PAM: variants seen among roughly 807,000 people sequenced by gnomAD.
The protein encoded by PAM is peptidylglycine alpha-amidating monooxygenase.
In PAM, 72 loss-of-function variants were observed where a neutral mutation model predicts 122.1. The ratio of observed to expected loss-of-function variants is 0.59; its 90% CI spans 0.49 to 0.72. PAM has a LOEUF of 0.72. Ranked by LOEUF, PAM falls within the 30% of genes least tolerant of loss-of-function variation. The pLI, the probability that PAM is intolerant of heterozygous loss-of-function variation, is 0.00. For synonymous variants in PAM, 389 were observed against 404.4 expected (o/e 0.96, Z 0.46); for missense variants, 1,106 against 1,183.7 (o/e 0.93, Z 0.96).
intron 4 of PAM, among the ~76,000 whole-genome samples, chr5:102,907,616 C>T (rs1799972744): frequency 6.6e-6 from 1 of 150,498 alleles, no homozygotes; most frequent in Non-Finnish European, 1.5e-5. Context: ...TATTTCTCCA[C>T]ATCCTCTCCA....
chr5:102,783,002 A>G (rs891172156), intron 1 of PAM, among the ~76,000 whole-genome samples: 1 of 151,926 alleles, frequency 6.6e-6, no homozygotes, highest in African/African-American at 2.4e-5. Flanking sequence ...TTGGCAGGAA[A>G]ATTGTATGTC....
chr5:103,011,572 A>G (rs1438307679), intron 21 of PAM, among the ~76,000 whole-genome samples: 2 of 152,152 alleles, frequency 1.3e-5, no homozygotes, highest in Admixed American at 6.5e-5. Flanking sequence ...AGTTCCATCC[A>G]TGTTATTGCA....
At chr5:102,796,239 T>C (rs174016) in intron 1 of PAM, among the ~76,000 whole-genome samples, 46,186 of 152,054 alleles carry the variant, frequency 0.3, 7,461 homozygotes, top group Non-Finnish European at 0.37. Flanking sequence ...GGGCCCTTCA[T>C]GAAGTCAGTC....
At chr5:102,920,456 CTGA>C (rs550148663) in intron 5 of PAM, among the ~76,000 whole-genome samples, 1 of 152,020 alleles carries the variant, frequency 6.6e-6, no homozygotes, top group Non-Finnish European at 1.5e-5. Flanking sequence ...ATTTATCAGG[CTGA>C]TATTTCTTAA....
chr5:102,923,707 C>T (rs548200357), intron 5 of PAM, among the ~76,000 whole-genome samples: 2 of 152,302 alleles, frequency 1.3e-5, no homozygotes, highest in East Asian at 1.9e-4. Context: ...GCCTTATGCA[C>T]ATCACCACAA....
intron 16 of PAM, among the ~76,000 whole-genome samples, chr5:102,995,568 A>G (rs1332275144): frequency 2.0e-5 from 3 of 152,130 alleles, no homozygotes; most frequent in Non-Finnish European, 4.4e-5. Context: ...TTGCTTGCCT[A>G]AAAAGTGAGG....
intron 1 of PAM, among the ~76,000 whole-genome samples, chr5:102,828,771 G>A (rs867735742): frequency 6.6e-6 from 1 of 152,188 alleles, no homozygotes; most frequent in Non-Finnish European, 1.5e-5. Flanking sequence ...CTTGGTAAGA[G>A]TTGGTTGTTG....
intron 3 of PAM, among the ~76,000 whole-genome samples, chr5:102,880,334 C>G (rs1790570865): frequency 6.6e-6 from 1 of 151,414 alleles, no homozygotes; most frequent in Non-Finnish European, 1.5e-5. Flanking sequence ...TAAATATAAT[C>G]TAACATATAA....
At chr5:103,007,373 A>AT in intron 19 of PAM, 84 bp from the exon 20 acceptor site, 1 of 1,087,390 alleles carries the variant, frequency 9.2e-7, no homozygotes. Flanking sequence ...ATGGTTTACT[A>AT]TCATGAATTT....
intron 14 of PAM, among the ~76,000 whole-genome samples, chr5:102,966,237 C>G (rs528908699): frequency 6.6e-6 from 1 of 151,928 alleles, no homozygotes; most frequent in Non-Finnish European, 1.5e-5. Flanking sequence ...TTCTAAATAC[C>G]CCCCAAGGCT....
chr5:102,895,601 C>A (rs1368927111), intron 3 of PAM, among the ~76,000 whole-genome samples: 1 of 151,546 alleles, frequency 6.6e-6, no homozygotes, highest in Non-Finnish European at 1.5e-5. Context: ...TTGAGAAGAC[C>A]ACTTTGTTTT....
chr5:102,992,258 C>T (rs1181235367), intron 16 of PAM, among the ~76,000 whole-genome samples: 1 of 152,154 alleles, frequency 6.6e-6, no homozygotes, highest in East Asian at 1.9e-4. Context: ...GTTGAACATG[C>T]AAGATGTCTT....
chr5:102,805,245 T>C (rs1765908905), intron 1 of PAM, among the ~76,000 whole-genome samples: 1 of 151,882 alleles, frequency 6.6e-6, no homozygotes, highest in Non-Finnish European at 1.5e-5. Flanking sequence ...AATTTTTGTA[T>C]TTTTAGTAGA....
intron 15 of PAM, among the ~76,000 whole-genome samples, chr5:102,976,158 A>C (rs1767590641): frequency 6.6e-6 from 1 of 152,190 alleles, no homozygotes; most frequent in African/African-American, 2.4e-5. Context: ...ACAACTGCAA[A>C]TTAATAAAGG....
intron 3 of PAM, among the ~76,000 whole-genome samples, chr5:102,884,650 A>G (rs1053135220): frequency 6.6e-6 from 1 of 151,936 alleles, no homozygotes; most frequent in Non-Finnish European, 1.5e-5. Context: ...TTAATATTTC[A>G]ATAACCCTCT....
At chr5:102,823,009 T>C (rs1019272902) in intron 1 of PAM, among the ~76,000 whole-genome samples, 2 of 152,190 alleles carry the variant, frequency 1.3e-5, no homozygotes, top group African/African-American at 4.8e-5. Context: ...AGCACTCCTT[T>C]AGTGGAAAAT....
intron 21 of PAM, among the ~76,000 whole-genome samples, chr5:103,016,543 T>C (rs1782042794): frequency 6.6e-6 from 1 of 152,210 alleles, no homozygotes; most frequent in African/African-American, 2.4e-5. Flanking sequence ...AAGGCTTCTC[T>C]TCCAAGAACT....
At chr5:102,955,605 A>C (rs965501855) in intron 12 of PAM, among the ~76,000 whole-genome samples, 3 of 152,124 alleles carry the variant, frequency 2.0e-5, no homozygotes, top group Non-Finnish European at 4.4e-5. Flanking sequence ...GTTATCACAT[A>C]AGCACTTTAT....
chr5:102,984,494 G>A (rs929719448), intron 15 of PAM, among the ~76,000 whole-genome samples: 2 of 152,122 alleles, frequency 1.3e-5, no homozygotes, highest in Admixed American at 1.3e-4. Context: ...CAACAACGAA[G>A]ATGATCATTA....
Sources: gnomAD v4.1 joint callset for allele counts (sites outside exome capture counted in the v4.1 genomes callset) on GRCh38, gnomAD v4.1.1 for gene constraint, MANE v1.5 for transcripts, NCBI Gene and HGNC (gene_info 2026-07-23, HGNC 2026-07-21) for gene names.